Variants in CD226 observed in about 807,000 individuals in gnomAD.
The protein encoded by CD226 is CD226 molecule, also known as CD226 antigen.
Under a neutral mutation model 34.9 loss-of-function variants are expected in CD226, and 24 were observed. The ratio of observed to expected loss-of-function variants is 0.69; its 90% CI spans 0.50 to 0.97. The LOEUF is 0.97. CD226 is among the 50% of genes least tolerant of loss of function. CD226 has a pLI of 0.00. For missense variants in CD226, 397 were observed against 412.7 expected (o/e 0.96, Z 0.33); for synonymous variants, 148 against 147.4 (o/e 1.00, Z -0.03).
intron 2 of CD226, among the ~76,000 whole-genome samples, chr18:69,901,771 C>T (rs1248173792): frequency 6.6e-6 from 1 of 151,576 alleles, no homozygotes; most frequent in Non-Finnish European, 1.5e-5. Flanking sequence ...CCCAGCTACT[C>T]AGGAGGCTGA....
chr18:69,948,951 C>T (rs2055823193), upstream of CD226, among the ~76,000 whole-genome samples: 1 of 151,992 alleles, frequency 6.6e-6, no homozygotes, highest in South Asian at 2.1e-4. Flanking sequence ...TTTATGAAAG[C>T]CAGAGAGAAC....
chr18:69,917,381 C>T (rs2055398489), intron 2 of CD226, among the ~76,000 whole-genome samples: 1 of 152,156 alleles, frequency 6.6e-6, no homozygotes, highest in South Asian at 2.1e-4. Context: ...CCAGGACACT[C>T]CCTCCCCCAG....
chr18:69,951,793 T>C (rs2055856309), upstream of CD226, among the ~76,000 whole-genome samples: 1 of 152,104 alleles, frequency 6.6e-6, no homozygotes, highest in South Asian at 2.1e-4. Flanking sequence ...AGGTAGGATG[T>C]GGAGGAAAGA....
At chr18:69,915,047 A>G (rs1397329223) in intron 2 of CD226, among the ~76,000 whole-genome samples, 1 of 152,196 alleles carries the variant, frequency 6.6e-6, no homozygotes, top group Non-Finnish European at 1.5e-5. Context: ...TCTTCTAGTC[A>G]TAGTTCACGG....
rs1323379570 is a variant in CD226 at position 69,863,256 on chromosome 18, T to G, written c.*1058A>C. ...TTTTAGTGGTATATTATATTCAACTTTCACATAATCATTAAAAAATAATAA... is the reference window on the plus strand; with the variant it reads ...TTTTAGTGGTATATTATATTCAACTGTCACATAATCATTAAAAAATAATAA... On this transcript the variant is annotated 3_prime_UTR_variant, in exon 6 of 6. Coordinates refer to ENST00000582621, the MANE Select transcript of CD226 (RefSeq NM_001303618.2). 6.6e-6 allele frequency: 1 copy of G among 152,182 alleles called. No homozygotes were observed. Among genetic ancestry groups the G allele is most frequent in the Non-Finnish European group, 1.5e-5 (1 of 68,032 alleles). The allele number at this position is 152,182 out of a possible 1,614,324, so 9.4% of individuals were successfully genotyped here.
rs1982825388 is a variant in CD226 at position 69,861,554 on chromosome 18, G to GTATATATATATATGTATATATATA, written c.*2759_*2760insTATATATATACATATATATATATA. 1 of 127,948 alleles carries GTATATATATATATGTATATATATA rather than the reference G, an allele frequency of 7.8e-6. No individual in the cohort carries two copies. The highest frequency in any genetic ancestry group is 1.7e-5 in the Non-Finnish European group (1 of 60,364). 7.9% of individuals were successfully genotyped at this position (127,948 alleles called of 1,614,324 possible). On this transcript the variant is annotated 3_prime_UTR_variant, in exon 6 of 6. Coordinates refer to ENST00000582621, the MANE Select transcript of CD226 (RefSeq NM_001303618.2). ...ATAAATTATATGTGTATATATATAT[G>GTATATATATATATGTATATATATA]TATATATATATATATATATGTAAAA...
chr18:69,941,766 T>G (rs1455060949), intron 2 of CD226, among the ~76,000 whole-genome samples: 2 of 152,180 alleles, frequency 1.3e-5, no homozygotes, highest in Admixed American at 6.5e-5. Flanking sequence ...GTTAAGACTT[T>G]GGGGGACTGT....
intron 3 of CD226, among the ~76,000 whole-genome samples, chr18:69,873,908 T>C (rs758956698): frequency 2.6e-5 from 4 of 152,146 alleles, no homozygotes; most frequent in Non-Finnish European, 4.4e-5. Flanking sequence ...AGATTATCTT[T>C]TATGCCTGAT....
Position 69,857,737 on chromosome 18 carries a change from T to G in CD226, c.*6577A>C, listed in dbSNP as rs12604328. On this transcript the variant is annotated 3_prime_UTR_variant, in exon 6 of 6. Transcript: ENST00000582621. ...ACTTATGCTTGGTATTTTAAACTCA[T>G]GAGAACTTAGTCTAGAAAGGGCCTC... is the stretch of plus-strand genomic sequence containing the variant. 21 of 152,178 alleles carry G rather than the reference T, an allele frequency of 1.4e-4. No individual in the cohort carries two copies. The highest frequency in any genetic ancestry group is 2.1e-4 in the Non-Finnish European group (14 of 67,988). The allele number at this position is 152,178 out of a possible 1,614,324, so 9.4% of individuals were successfully genotyped here.
chr18:69,915,544 T>C (rs534750098), intron 2 of CD226, among the ~76,000 whole-genome samples: 53 of 152,334 alleles, frequency 3.5e-4, no homozygotes, highest in Admixed American at 9.1e-4. Context: ...TGAATTGGTA[T>C]ATGTCCTATT....
chr18:69,919,748 A>G (rs1346160746), intron 2 of CD226, among the ~76,000 whole-genome samples: 1 of 152,186 alleles, frequency 6.6e-6, no homozygotes, highest in Non-Finnish European at 1.5e-5. Flanking sequence ...TAGTACCAAG[A>G]GATGTGATTT....
At chr18:69,942,493 A>G (rs1311854750) in intron 2 of CD226, among the ~76,000 whole-genome samples, 1 of 152,218 alleles carries the variant, frequency 6.6e-6, no homozygotes, top group Non-Finnish European at 1.5e-5. Context: ...GGTCTGCATT[A>G]CAGACAGAAG....
intron 2 of CD226, among the ~76,000 whole-genome samples, chr18:69,935,389 A>G (rs1466535027): frequency 6.6e-6 from 1 of 152,180 alleles, no homozygotes; most frequent in Admixed American, 6.5e-5. Flanking sequence ...GCAGCTCTCA[A>G]CCTTTGAAGT....
At chr18:69,914,255 A>G (rs1158213721) in intron 2 of CD226, among the ~76,000 whole-genome samples, 1 of 152,220 alleles carries the variant, frequency 6.6e-6, no homozygotes, top group Non-Finnish European at 1.5e-5. Flanking sequence ...GAGTTTGATG[A>G]GATCTTCGAC....
At chr18:69,900,492 C>G (rs529794094) in intron 2 of CD226, among the ~76,000 whole-genome samples, 26 of 151,482 alleles carry the variant, frequency 1.7e-4, no homozygotes, top group Admixed American at 7.2e-4. Flanking sequence ...CAGCACTTTG[C>G]GAGGCCGAGG....
chr18:69,922,071 C>G (rs1464259579), intron 2 of CD226, among the ~76,000 whole-genome samples: 1 of 152,114 alleles, frequency 6.6e-6, no homozygotes, highest in Non-Finnish European at 1.5e-5. Context: ...AAACGGAGCA[C>G]TAAGGTGTAC....
chr18:69,937,475 A>G (rs2055669442), intron 2 of CD226, among the ~76,000 whole-genome samples: 1 of 152,178 alleles, frequency 6.6e-6, no homozygotes, highest in African/African-American at 2.4e-5. Flanking sequence ...ATAAAATTAT[A>G]TCCTCTAGAC....
chr18:69,891,498 G>C (rs1181022378), intron 3 of CD226, among the ~76,000 whole-genome samples: 2 of 151,978 alleles, frequency 1.3e-5, no homozygotes, highest in African/African-American at 4.8e-5. Flanking sequence ...CATTAAACAA[G>C]AAAAAGAAAA....
chr18:69,919,599 A>C (rs1029529915), intron 2 of CD226, among the ~76,000 whole-genome samples: 4 of 152,220 alleles, frequency 2.6e-5, no homozygotes, highest in Non-Finnish European at 4.4e-5. Context: ...TAAATGCTGA[A>C]GAGACAAAAC....
Sources: allele counts gnomAD v4.1 joint callset (sites outside exome capture counted in the v4.1 genomes callset), GRCh38; gene constraint gnomAD v4.1.1; transcripts MANE v1.5; gene names NCBI Gene and HGNC (gene_info 2026-07-23, HGNC 2026-07-21).